The following KCNIP1 variants were observed in gnomAD, a reference collection of about 807,000 sequenced individuals.
The protein encoded by KCNIP1 is potassium voltage-gated channel interacting protein 1.
A neutral mutation model predicts 33.0 loss-of-function variants in KCNIP1; 18 were observed. The observed-to-expected ratio is 0.55, with a 90% confidence interval of 0.38 to 0.81. The LOEUF (loss-of-function observed/expected upper bound fraction) is 0.81. Among genes scored for constraint, KCNIP1 ranks in the 30% least tolerant of loss-of-function variants. The pLI is 0.00. For missense variants in KCNIP1, 238 were observed against 271.6 expected, an observed-to-expected ratio of 0.88 and a Z score of 0.87; for synonymous variants, 93 against 98.3, an observed-to-expected ratio of 0.95 and a Z score of 0.32.
chr5:170,553,768 T>C (rs1299734421), intron 1 of KCNIP1, among the ~76,000 whole-genome samples: 2 of 152,258 alleles, frequency 1.3e-5, no homozygotes, highest in East Asian at 1.9e-4. Flanking sequence ...CTCAGATGCC[T>C]ATCTTGTTTA....
At chr5:170,478,050 C>G (rs760743073) in intron 1 of KCNIP1, among the ~76,000 whole-genome samples, 1 of 152,250 alleles carries the variant, frequency 6.6e-6, no homozygotes, top group South Asian at 2.1e-4. Context: ...CTCAGAATTT[C>G]ATGCCTCCTG....
chr5:170,689,189 C>T (rs1045541683), intron 1 of KCNIP1, among the ~76,000 whole-genome samples: 4 of 152,144 alleles, frequency 2.6e-5, no homozygotes, highest in African/African-American at 4.8e-5. Context: ...TTCATTCATT[C>T]GTTCATTCAT....
intron 1 of KCNIP1, among the ~76,000 whole-genome samples, chr5:170,665,057 T>C (rs1202100918): frequency 1.3e-5 from 2 of 152,150 alleles, no homozygotes; most frequent in Non-Finnish European, 2.9e-5. Context: ...ATTAACCTAA[T>C]ACACAGCGCG....
chr5:170,488,632 A>T (rs1364937422), intron 1 of KCNIP1, among the ~76,000 whole-genome samples: 1 of 152,214 alleles, frequency 6.6e-6, no homozygotes, highest in East Asian at 1.9e-4. Context: ...GAGCTCCGAG[A>T]AGCAAGCAGG....
chr5:170,681,038 G>T lies in KCNIP1; in HGVS notation c.62-37720G>T, dbSNP rs572384610. ...TTTTCTGGCTTTGAATGACCGCCTAGCGCTTGCCGGTGCGCCAGGGTGCTG... is the reference window on the plus strand; with the variant it reads ...TTTTCTGGCTTTGAATGACCGCCTATCGCTTGCCGGTGCGCCAGGGTGCTG... On this transcript the variant is annotated intron_variant, in intron 1 of 7. Coordinates refer to ENST00000328939, the MANE Select transcript of KCNIP1 (RefSeq NM_014592.4). 267 of 399,390 alleles carry T rather than the reference G, an allele frequency of 6.7e-4. 1 individual carries two copies. The highest frequency in any genetic ancestry group is 7.8e-4 in the Non-Finnish European group (176 of 226,236). The allele number at this position is 399,390 out of a possible 1,614,324, so 24.7% of individuals were successfully genotyped here.
rs536497662 is a variant in KCNIP1, at chr5:170,471,835, AG to A, written c.88+117873del. ...TGAGTTCCACCAGGCAGACCATGTC[AG>A]GAAATTTCTTGGTGTTCATTTTAAT... On this transcript the variant is annotated intron_variant, in intron 1 of 7. Coordinates refer to the KCNIP1 transcript ENST00000377360. 1.6e-4 allele frequency among the ~76,000 whole-genome samples: 25 copies of A among 152,346 alleles called. No homozygotes were observed. The South Asian group carries it at 4.6e-3, about 28-fold the overall frequency.
intron 1 of KCNIP1, among the ~76,000 whole-genome samples, chr5:170,701,832 G>A (rs1429234813): frequency 6.6e-6 from 1 of 152,160 alleles, no homozygotes; most frequent in Non-Finnish European, 1.5e-5. Context: ...GAGGATGGAA[G>A]TGACTTGCTC....
chr5:170,570,342 C>T (rs1401689000), intron 1 of KCNIP1, among the ~76,000 whole-genome samples: 1 of 152,172 alleles, frequency 6.6e-6, no homozygotes, highest in Non-Finnish European at 1.5e-5. Context: ...CATTCAAAGC[C>T]ATGAAGCACC....
chr5:170,619,533 G>A (rs1370201417), intron 1 of KCNIP1, among the ~76,000 whole-genome samples: 1 of 152,170 alleles, frequency 6.6e-6, no homozygotes, highest in African/African-American at 2.4e-5. Context: ...TCAGACCTGG[G>A]GTGAAGGTGT....
At chr5:170,485,018 G>A (rs1181637145) in intron 1 of KCNIP1, among the ~76,000 whole-genome samples, 1 of 142,242 alleles carries the variant, frequency 7.0e-6, no homozygotes. Flanking sequence ...TCCACTCACT[G>A]CAATCTCTGC....
At chr5:170,520,911 A>G (rs1755340487) in intron 1 of KCNIP1, among the ~76,000 whole-genome samples, 1 of 152,204 alleles carries the variant, frequency 6.6e-6, no homozygotes, top group Admixed American at 6.5e-5. Context: ...TGGATAAGTC[A>G]TCTACTCTCT....
intron 1 of KCNIP1, among the ~76,000 whole-genome samples, chr5:170,637,359 C>A (rs1330350789): frequency 1.3e-5 from 2 of 152,176 alleles, no homozygotes; most frequent in Non-Finnish European, 2.9e-5. Flanking sequence ...TTCCCTGCTT[C>A]TGCCCTGGCC....
At chr5:170,637,808 T>C (rs1760349016) in intron 1 of KCNIP1, among the ~76,000 whole-genome samples, 1 of 152,074 alleles carries the variant, frequency 6.6e-6, no homozygotes, top group South Asian at 2.1e-4. Flanking sequence ...CTGAAATACA[T>C]GTGAGCGATG....
intron 1 of KCNIP1, among the ~76,000 whole-genome samples, chr5:170,615,357 A>G (rs1027474818): frequency 6.6e-6 from 1 of 152,248 alleles, no homozygotes; most frequent in Non-Finnish European, 1.5e-5. Flanking sequence ...AAACAGTTTC[A>G]TTAAGACCGT....
chr5:170,378,683 G>T (rs1417757601), intron 1 of KCNIP1: 2 of 1,588,408 alleles, frequency 1.3e-6, no homozygotes, highest in East Asian at 2.2e-5. Context: ...CTGACAAGTG[G>T]TATGGCATGG....
chr5:170,549,464 GT>G (rs1469186442), intron 1 of KCNIP1, among the ~76,000 whole-genome samples: 2 of 152,138 alleles, frequency 1.3e-5, no homozygotes, highest in African/African-American at 4.8e-5. Flanking sequence ...CCCCTCCTCT[GT>G]TTTAAGGAAC....
intron 1 of KCNIP1, among the ~76,000 whole-genome samples, chr5:170,423,299 TC>T (rs1467120205): frequency 1.3e-4 from 18 of 143,252 alleles, no homozygotes; most frequent in African/African-American, 3.1e-4. Context: ...TTTTTTTTTT[TC>T]AATTCCTATT....
intron 1 of KCNIP1, among the ~76,000 whole-genome samples, chr5:170,610,808 AG>A (rs1390190906): frequency 2.6e-5 from 4 of 152,202 alleles, no homozygotes; most frequent in Non-Finnish European, 5.9e-5. Context: ...TGTTTCCTGT[AG>A]GTAAACCTCC....
intron 1 of KCNIP1, among the ~76,000 whole-genome samples, chr5:170,396,912 C>A (rs919043584): frequency 6.6e-6 from 1 of 152,194 alleles, no homozygotes; most frequent in East Asian, 1.9e-4. Context: ...CCACAAATGA[C>A]AACTTTGCAG....
Sources: gnomAD v4.1 joint callset for allele counts (sites outside exome capture counted in the v4.1 genomes callset) on GRCh38, gnomAD v4.1.1 for gene constraint, MANE v1.5 for transcripts, NCBI Gene and HGNC (gene_info 2026-07-23, HGNC 2026-07-21) for gene names.